G3BP2: variants seen among roughly 807,000 people sequenced by gnomAD.
G3BP2 encodes the protein ras GTPase-activating protein-binding protein 2.
G3BP2 carries 11 observed loss-of-function variants against 56.7 expected under a neutral mutation model. The ratio of observed to expected loss-of-function variants is 0.19; its 90% CI spans 0.12 to 0.32. The LOEUF is 0.32. Among genes scored for constraint, G3BP2 ranks in the 10% least tolerant of loss-of-function variants. The probability of loss-of-function intolerance (pLI) is 1.00; values close to 1 mark genes in which losing one functional copy is unlikely to be tolerated. For synonymous variants in G3BP2, 165 were observed against 191.6 expected, an observed-to-expected ratio of 0.86 and a Z score of 1.15; for missense variants, 340 against 610.9, an observed-to-expected ratio of 0.56 and a Z score of 4.67.
chr4:75,721,588 C>T (rs6841486), intron 2 of G3BP2, among the ~76,000 whole-genome samples: 30,067 of 151,918 alleles, frequency 0.2, 3,136 homozygotes, highest in African/African-American at 0.23. Context: ...GGCTTATAAC[C>T]TACCAAAATA....
chr4:75,646,985 T>G, intron 10 of G3BP2, 44 bp downstream of exon 10: 1 of 1,308,304 alleles, frequency 7.6e-7, no homozygotes, highest in Non-Finnish European at 1.1e-6. Context: ...TCTTGCTTAA[T>G]TTAAAATAAT....
chr4:75,681,337 T>TAAAG (rs1425302886), intron 3 of G3BP2, among the ~76,000 whole-genome samples: 1 of 150,858 alleles, frequency 6.6e-6, no homozygotes, highest in East Asian at 2.0e-4. Flanking sequence ...AATAAATAAA[T>TAAAG]AAATAAATAT....
At chr4:75,667,912 T>C (rs1222827367) in intron 1 of G3BP2, among the ~76,000 whole-genome samples, 5 of 152,044 alleles carry the variant, frequency 3.3e-5, no homozygotes, top group Admixed American at 2.0e-4. Flanking sequence ...ACCGAAAACA[T>C]TATCCAGTAT....
intron 3 of G3BP2, among the ~76,000 whole-genome samples, chr4:75,696,392 G>A (rs1190886124): frequency 6.6e-6 from 1 of 152,144 alleles, no homozygotes; most frequent in Non-Finnish European, 1.5e-5. Flanking sequence ...GTCTTACCTA[G>A]TCCTAAGGAA....
intron 3 of G3BP2, among the ~76,000 whole-genome samples, chr4:75,702,575 G>A (rs1404718047): frequency 6.6e-6 from 1 of 152,202 alleles, no homozygotes; most frequent in Non-Finnish European, 1.5e-5. Context: ...AGGCCCCCAG[G>A]AATGGAAACT....
intron 1 of G3BP2, among the ~76,000 whole-genome samples, chr4:75,663,617 C>T (rs1445369917): frequency 6.6e-6 from 1 of 151,912 alleles, no homozygotes; most frequent in Admixed American, 6.6e-5. Context: ...AATCCCAGCA[C>T]TTTGGGAGGC....
chr4:75,656,360 A>G (rs965305974), intron 5 of G3BP2, among the ~76,000 whole-genome samples: 18 of 152,050 alleles, frequency 1.2e-4, no homozygotes, highest in African/African-American at 3.9e-4. Context: ...AAAACTGGAG[A>G]GCAAGGATGA....
upstream of G3BP2, among the ~76,000 whole-genome samples, chr4:75,675,729 T>C (rs1387094181): frequency 6.6e-6 from 1 of 151,990 alleles, no homozygotes; most frequent in Non-Finnish European, 1.5e-5. Flanking sequence ...GAGGCGGAGG[T>C]TGCGGTGAGC....
chr4:75,646,580 T>G, intron 10 of G3BP2, 124 bp from the exon 11 acceptor site: 1 of 697,388 alleles, frequency 1.4e-6, no homozygotes, highest in Non-Finnish European at 2.5e-6. Context: ...CGCAAGCTTC[T>G]ACACACAGTG....
At chr4:75,720,110 C>A (rs1408362214) in intron 3 of G3BP2, among the ~76,000 whole-genome samples, 1 of 140,134 alleles carries the variant, frequency 7.1e-6, no homozygotes, top group East Asian at 2.4e-4. Context: ...TCAAGCAATT[C>A]TCATGCCTCA....
upstream of G3BP2, among the ~76,000 whole-genome samples, chr4:75,677,740 C>T (rs889607014): frequency 2.0e-5 from 3 of 152,268 alleles, no homozygotes; most frequent in Admixed American, 1.3e-4. Context: ...TGTTTTTAAA[C>T]TTTTAAGGCT....
chr4:75,678,337 T>TGTACACA (rs1417730308), upstream of G3BP2, among the ~76,000 whole-genome samples: 3 of 131,998 alleles, frequency 2.3e-5, no homozygotes, highest in Non-Finnish European at 4.9e-5. Flanking sequence ...TGTGTGTGTG[T>TGTACACA]GTGTACACAG....
At chr4:75,673,141 C>G in intron 1 of G3BP2, 67 bp downstream of exon 1, 1 of 1,122,608 alleles carries the variant, frequency 8.9e-7, no homozygotes, top group Non-Finnish European at 1.1e-6. Flanking sequence ...CCTCGCGCCG[C>G]GGAGCGCGAA....
chr4:75,721,493 A>G (rs1720176699), intron 2 of G3BP2, among the ~76,000 whole-genome samples: 1 of 149,398 alleles, frequency 6.7e-6, no homozygotes, highest in African/African-American at 2.5e-5. Context: ...CCTGAGCTTA[A>G]ATGATCCTCC....
intron 3 of G3BP2, among the ~76,000 whole-genome samples, chr4:75,680,383 C>T (rs903381580): frequency 1.3e-5 from 2 of 152,194 alleles, no homozygotes; most frequent in African/African-American, 4.8e-5. Flanking sequence ...TCACTAACTA[C>T]TTCTGTGACA....
In G3BP2 at chr4:75,720,022, C is replaced by CTTTTTTTTTTTTTTTTTTTT. The variant is rs67468716; in HGVS notation, c.-25+854_-25+855insAAAAAAAAAAAAAAAAAAAA. Among the ~76,000 whole-genome samples, 4 of 97,320 alleles carry CTTTTTTTTTTTTTTTTTTTT rather than the reference C, an allele frequency of 4.1e-5. 1 individual carries two copies. Among genetic ancestry groups the CTTTTTTTTTTTTTTTTTTTT allele is most frequent in the Non-Finnish European group, 7.6e-5 (4 of 52,462 alleles). 63.8% of individuals were successfully genotyped at this position (97,320 alleles called of 152,430 possible). A position where few individuals can be genotyped will look rare whatever the true frequency, so the allele number is the denominator to read the frequency against. On this transcript the variant is annotated intron_variant, in intron 3 of 3. Transcript: ENST00000499709. Reference sequence around the variant, plus strand: ...GAGCAGGATGGGGGGGCCCAGAACCCTTTTTTTTTTTTGAGAAAGGGTCTC... The same window carrying CTTTTTTTTTTTTTTTTTTTT: ...GAGCAGGATGGGGGGGCCCAGAACCCTTTTTTTTTTTTTTTTTTTTTTTTTTTTTTTTGAGAAAGGGTCTC...
Position 75,644,995 on chromosome 4 carries a change from T to C in G3BP2, c.*435A>G, listed in dbSNP as rs1416264516. ...TGCATAACAAGTTTCTGTTGGTTTG[T>C]ATTTTTGGGGGGAGCCAAGAAAAAA... is the stretch of plus-strand genomic sequence containing the variant. On this transcript the variant is annotated 3_prime_UTR_variant, in exon 12 of 12. Coordinates refer to ENST00000359707, the MANE Select transcript of G3BP2 (RefSeq NM_203505.3). 5.7e-6 allele frequency: 1 copy of C among 174,462 alleles called. No homozygotes were observed. Among genetic ancestry groups the C allele is most frequent in the East Asian group, 1.8e-4 (1 of 5,692 alleles). 10.8% of individuals were successfully genotyped at this position (174,462 alleles called of 1,614,324 possible).
rs1240326308 is a variant in G3BP2 at position 75,645,397 on chromosome 4, T to C, written c.*33A>G. ...AAGAATGCAAACACGATGAATAATG[T>C]ACCACTGCCAAGACTTTGCCAACAG... On this transcript the variant is annotated 3_prime_UTR_variant, in exon 12 of 12. Transcript: ENST00000359707. 2.5e-6 allele frequency: 4 copies of C among 1,588,576 alleles called. No homozygotes were observed. In the African/African-American group the frequency reaches 4.1e-5, roughly 16 times the overall value.
At chr4:75,658,725 C>T (rs1475937564) in intron 3 of G3BP2, 118 bp downstream of exon 3, 1 of 729,422 alleles carries the variant, frequency 1.4e-6, no homozygotes, top group Non-Finnish European at 2.4e-6. Flanking sequence ...AAAACTCCGT[C>T]TCAAAAAAAA....
Sources: gnomAD v4.1 joint callset for allele counts (sites outside exome capture counted in the v4.1 genomes callset) on GRCh38, gnomAD v4.1.1 for gene constraint, MANE v1.5 for transcripts, NCBI Gene and HGNC (gene_info 2026-07-23, HGNC 2026-07-21) for gene names.